The following EYS variants were observed in gnomAD, a reference collection of about 807,000 sequenced individuals.
EYS encodes the protein protein eyes shut homolog.
In EYS, 250 loss-of-function variants were observed where a neutral mutation model predicts 282.1. The ratio of observed to expected loss-of-function variants is 0.89; its 90% CI spans 0.80 to 0.98. The LOEUF (loss-of-function observed/expected upper bound fraction) is 0.98. EYS is among the 50% of genes least tolerant of loss of function. EYS has a pLI of 0.00. For synonymous variants in EYS, 1,355 were observed against 1,282.9 expected (o/e 1.06, Z -1.20); for missense variants, 4,016 against 3,709.0 (o/e 1.08, Z -2.15).
intron 11 of EYS, among the ~76,000 whole-genome samples, chr6:65,333,452 C>T (rs1191615196): frequency 2.6e-5 from 4 of 151,434 alleles, no homozygotes; most frequent in Non-Finnish European, 4.4e-5. Context: ...TATAGCATAG[C>T]GTAGGATATG....
intron 35 of EYS, among the ~76,000 whole-genome samples, chr6:63,877,024 G>A (rs1425826667): frequency 1.3e-5 from 2 of 152,136 alleles, no homozygotes; most frequent in African/African-American, 2.4e-5. Flanking sequence ...ATGTTAGCTG[G>A]TTATTTTGCT....
In EYS at chr6:64,590,511, C is replaced by T. The variant is rs1262791683; in HGVS notation, c.5356G>A (p.Glu1786Lys). The T allele has an allele frequency of 4.4e-5, 69 of 1,551,266 alleles. No homozygotes were observed. The highest frequency in any genetic ancestry group is 3.3e-4 in the Middle Eastern group (2 of 6,014). ...TAAAATGCAACATTGGTGGTGACTT[C>T]TGAAAAATCAGGCACTGAGCCTGTC... ...PLTGSVPDFSEVTTNVAFYTV... is the reference protein window; with the variant it reads ...PLTGSVPDFSKVTTNVAFYTV... The change falls in exon 26 of 43, where the codon GAA (glutamate) becomes AAA (lysine). Residue 1786 changes from glutamate to lysine, a missense_variant. By Grantham distance (56) the Glu-to-Lys change is moderately conservative (BLOSUM62 1). Coordinates refer to ENST00000503581, the MANE Select transcript of EYS (RefSeq NM_001142800.2).
At chr6:64,879,583 TAGAC>T (rs1554213560) in intron 19 of EYS, among the ~76,000 whole-genome samples, 3 of 146,752 alleles carry the variant, frequency 2.0e-5, no homozygotes, top group African/African-American at 7.5e-5. Flanking sequence ...TTAGGTAAGA[TAGAC>T]AGTTTTGGGG....
chr6:64,881,210 A>AT lies in EYS; in HGVS notation c.2992+5486dup, dbSNP rs546947449. 2.2e-3 allele frequency among the ~76,000 whole-genome samples: 330 copies of AT among 151,776 alleles called. 1 individual carries two copies. The highest frequency in any genetic ancestry group is 7.7e-3 in the African/African-American group (320 of 41,462). ...GCTGGGTTTTTGTACCCTTATCATC[A>AT]TTTTTTTGACATTAAAAAGAAAGCT... is the stretch of plus-strand genomic sequence containing the variant. On this transcript the variant is annotated intron_variant, in intron 19 of 42. Coordinates refer to ENST00000503581, the MANE Select transcript of EYS (RefSeq NM_001142800.2).
At chr6:63,884,491 G>T (rs568294699) in intron 35 of EYS, among the ~76,000 whole-genome samples, 1 of 152,252 alleles carries the variant, frequency 6.6e-6, no homozygotes, top group South Asian at 2.1e-4. Flanking sequence ...GATTTGGGTT[G>T]TGGTTACATG....
intron 22 of EYS, among the ~76,000 whole-genome samples, chr6:64,699,965 A>G (rs1469981215): frequency 1.3e-5 from 2 of 152,218 alleles, no homozygotes; most frequent in South Asian, 2.1e-4. Flanking sequence ...TCTGATAAAT[A>G]TAGGTGTAAA....
intron 29 of EYS, among the ~76,000 whole-genome samples, chr6:64,342,913 T>C (rs986205519): frequency 2.0e-5 from 3 of 151,762 alleles, no homozygotes; most frequent in African/African-American, 7.3e-5. Context: ...ATCCTAGTCT[T>C]GGATAAAACA....
rs180816222 is a variant in EYS at position 65,158,474 on chromosome 6, A to C, written c.2024-100747T>G. Among the ~76,000 whole-genome samples, 44 of 151,060 alleles carry C rather than the reference A, an allele frequency of 2.9e-4. No homozygotes were observed. The East Asian group carries it at 7.6e-3, about 26-fold the overall frequency. On this transcript the variant is annotated intron_variant, in intron 12 of 42. Coordinates refer to ENST00000503581, the MANE Select transcript of EYS (RefSeq NM_001142800.2). ...GAAACAAATGTAATTCTTATGTCAT[A>C]GTCATATTCTTAGATGCCATGTCTT...
intron 2 of EYS, among the ~76,000 whole-genome samples, chr6:65,613,350 A>T (rs1006142623): frequency 1.3e-5 from 2 of 151,840 alleles, no homozygotes; most frequent in African/African-American, 4.8e-5. Context: ...AATCCTTTCT[A>T]TGAATATTCT....
At chr6:63,962,457 A>G (rs1032329285) in intron 35 of EYS, among the ~76,000 whole-genome samples, 3 of 152,230 alleles carry the variant, frequency 2.0e-5, no homozygotes, top group Admixed American at 1.3e-4. Flanking sequence ...AAGGATATGA[A>G]CAGACACTTC....
intron 19 of EYS, among the ~76,000 whole-genome samples, chr6:64,863,484 A>C (rs9351454): frequency 1.3e-5 from 2 of 152,058 alleles, no homozygotes; most frequent in African/African-American, 2.4e-5. Context: ...TTTTAAAAAA[A>C]TTTATGCTGA....
chr6:64,168,191 G>A (rs1000994647), intron 31 of EYS, among the ~76,000 whole-genome samples: 1 of 152,150 alleles, frequency 6.6e-6, no homozygotes, highest in African/African-American at 2.4e-5. Context: ...AACCCGGGAG[G>A]GGGAGCTTGC....
chr6:65,339,319 A>G (rs796751973), intron 10 of EYS, among the ~76,000 whole-genome samples: 8 of 151,336 alleles, frequency 5.3e-5, no homozygotes, highest in African/African-American at 1.9e-4. Flanking sequence ...TTGAACTAAT[A>G]AAAAATGACA....
At chr6:63,804,297 T>C (rs1024882499) in intron 37 of EYS, among the ~76,000 whole-genome samples, 1 of 152,206 alleles carries the variant, frequency 6.6e-6, no homozygotes, top group African/African-American at 2.4e-5. Context: ...ATTACAGGCG[T>C]GAGTCACCGC....
At chr6:65,042,488 T>C (rs917800941) in intron 13 of EYS, among the ~76,000 whole-genome samples, 2 of 151,514 alleles carry the variant, frequency 1.3e-5, no homozygotes, top group African/African-American at 4.8e-5. Context: ...TTCATTGATA[T>C]AGCCATCCCT....
Position 65,207,438 on chromosome 6 carries a change from A to T in EYS, c.2023+88425T>A, listed in dbSNP as rs565780148. On this transcript the variant is annotated intron_variant, in intron 12 of 42. Coordinates refer to ENST00000503581, the MANE Select transcript of EYS (RefSeq NM_001142800.2). ...TGGATTGGAAGAATTGATATTGTTA[A>T]AAGTACCATAGTGCCCAAAGCAGTC... Among the ~76,000 whole-genome samples, 123 of 151,948 alleles carry T rather than the reference A, an allele frequency of 8.1e-4. 2 individuals are homozygous for T. In the South Asian group the frequency reaches 0.025, roughly 31 times the overall value.
chr6:64,170,579 C>G (rs1396817316), intron 31 of EYS, among the ~76,000 whole-genome samples: 1 of 151,216 alleles, frequency 6.6e-6, no homozygotes, highest in East Asian at 1.9e-4. Context: ...TGTCATCTCT[C>G]TGTGTGTTTC....
At chr6:63,833,609 A>T (rs992995597) in intron 36 of EYS, among the ~76,000 whole-genome samples, 8 of 152,220 alleles carry the variant, frequency 5.3e-5, no homozygotes, top group Non-Finnish European at 1.2e-4. Flanking sequence ...AGGAAGAATC[A>T]ATATCATGAA....
intron 12 of EYS, among the ~76,000 whole-genome samples, chr6:65,088,590 C>G (rs545567932): frequency 6.6e-6 from 1 of 152,084 alleles, no homozygotes; most frequent in African/African-American, 2.4e-5. Flanking sequence ...CAAGAGGAAG[C>G]GGGGCATGAA....
Sources: allele counts gnomAD v4.1 joint callset (sites outside exome capture counted in the v4.1 genomes callset), GRCh38; gene constraint gnomAD v4.1.1; transcripts MANE v1.5; gene names NCBI Gene and HGNC (gene_info 2026-07-23, HGNC 2026-07-21).